LINC01488: variants seen among roughly 807,000 people sequenced by gnomAD.
LINC01488 encodes the protein CCND1-upstream intergenic DNA repair 1.
At chr11:69,493,204 TA>T (rs373614572) in exon 4 of LINC01488, 1 of 152,376 alleles carries the variant, frequency 6.6e-6, no homozygotes, top group African/African-American at 2.4e-5. Flanking sequence ...AAAGGCATTT[TA>T]ACCAACACCA....
intron 1 of LINC01488, chr11:69,481,805 A>G (rs538959630): frequency 6.6e-6 from 1 of 152,386 alleles, no homozygotes; most frequent in South Asian, 2.1e-4. Flanking sequence ...AACAGCTTTG[A>G]GATCGTAAGC....
At chr11:69,485,844 G>C (rs147785409) in intron 1 of LINC01488, 12 of 152,286 alleles carry the variant, frequency 7.9e-5, no homozygotes, top group Non-Finnish European at 1.2e-4. Flanking sequence ...CAGGGCTCCC[G>C]TGGTCCTGCC....
chr11:69,489,866 C>T (rs1565193861), intron 1 of LINC01488, among the ~76,000 whole-genome samples: 3 of 152,190 alleles, frequency 2.0e-5, no homozygotes, highest in Non-Finnish European at 4.4e-5. Flanking sequence ...CATCCCGACA[C>T]TCTCAGCGGG....
intron 1 of LINC01488, among the ~76,000 whole-genome samples, chr11:69,486,482 A>T (rs1445889343): frequency 6.6e-6 from 1 of 152,236 alleles, no homozygotes; most frequent in East Asian, 1.9e-4. Flanking sequence ...TGAAGGCGCA[A>T]AAGCCGTGTC....
At chr11:69,488,553 C>G (rs1334333518) in intron 1 of LINC01488, among the ~76,000 whole-genome samples, 2 of 152,224 alleles carry the variant, frequency 1.3e-5, no homozygotes, top group African/African-American at 4.8e-5. Context: ...TTTGTCAAAC[C>G]CTGGAGAAGG....
intron 1 of LINC01488, among the ~76,000 whole-genome samples, chr11:69,487,485 G>A (rs1292800444): frequency 6.6e-6 from 1 of 152,220 alleles, no homozygotes; most frequent in Admixed American, 6.5e-5. Flanking sequence ...CCTGAGTAAG[G>A]ACTGACGGGG....
At chr11:69,487,285 G>T (rs1023099912) in intron 1 of LINC01488, among the ~76,000 whole-genome samples, 7 of 152,226 alleles carry the variant, frequency 4.6e-5, no homozygotes, top group Non-Finnish European at 8.8e-5. Context: ...AGGAGAGCCA[G>T]CTGGACAGGG....
intron 1 of LINC01488, among the ~76,000 whole-genome samples, chr11:69,489,223 C>T (rs1857175550): frequency 6.6e-6 from 1 of 152,066 alleles, no homozygotes; most frequent in African/African-American, 2.4e-5. Flanking sequence ...GCCCTCTGGT[C>T]TCTCCACCGC....
chr11:69,491,225 A>T (rs531173665), exon 3 of LINC01488: 7 of 152,430 alleles, frequency 4.6e-5, no homozygotes, highest in African/African-American at 1.7e-4. Flanking sequence ...GAGCAGGGAC[A>T]CAGCATGAAG....
At chr11:69,489,663 A>G (rs1040952629) in intron 1 of LINC01488, among the ~76,000 whole-genome samples, 1 of 152,232 alleles carries the variant, frequency 6.6e-6, no homozygotes, top group Non-Finnish European at 1.5e-5. Context: ...AGAGGCGTCC[A>G]TAGGCCGTAG....
rs1462936184 is a variant in LINC01488 at position 69,489,345 on chromosome 11, A to G, written n.123-1150A>G. On this transcript the variant is annotated intron_variant and non_coding_transcript_variant, in intron 1 of 3. Coordinates refer to ENST00000644563, the Ensembl canonical transcript of LINC01488. The stretch of plus-strand genomic sequence containing the variant: ...CTTTCCTTCTGCCTCCCTGGACACC[A>G]GAGGCTGCTGCCGTTGGGCTCTGAG... 9.2e-5 allele frequency among the ~76,000 whole-genome samples: 14 copies of G among 152,346 alleles called. No homozygotes were observed. In the South Asian group the frequency reaches 2.9e-3, roughly 32 times the overall value.
At chr11:69,484,186 G>A (rs751804707) in intron 1 of LINC01488, among the ~76,000 whole-genome samples, 2 of 152,174 alleles carry the variant, frequency 1.3e-5, no homozygotes, top group Non-Finnish European at 2.9e-5. Context: ...GATAGAGAGC[G>A]ACCTCAGAAC....
intron 1 of LINC01488, among the ~76,000 whole-genome samples, chr11:69,482,710 T>C (rs1857060513): frequency 6.6e-6 from 1 of 152,190 alleles, no homozygotes; most frequent in Non-Finnish European, 1.5e-5. Flanking sequence ...TTTATATAGT[T>C]TGTCATACCA....
chr11:69,489,039 G>C (rs540049874), intron 1 of LINC01488, among the ~76,000 whole-genome samples: 9 of 152,320 alleles, frequency 5.9e-5, no homozygotes, highest in Non-Finnish European at 1.0e-4. Context: ...TGTAGATAAG[G>C]CTTCAGAAAG....
chr11:69,489,460 G>T (rs1207294305), intron 1 of LINC01488, among the ~76,000 whole-genome samples: 1 of 152,258 alleles, frequency 6.6e-6, no homozygotes, highest in African/African-American at 2.4e-5. Context: ...GCAGCATGCA[G>T]GGACCCCAAA....
intron 1 of LINC01488, among the ~76,000 whole-genome samples, chr11:69,489,731 A>G (rs180803477): frequency 1.3e-5 from 2 of 152,314 alleles, no homozygotes; most frequent in Non-Finnish European, 2.9e-5. Flanking sequence ...GCACAATCCA[A>G]TGCATCAGGC....
At chr11:69,490,222 A>G (rs559817) in intron 1 of LINC01488, among the ~76,000 whole-genome samples, 118,225 of 152,186 alleles carry the variant, frequency 0.78, 46,309 homozygotes, top group Non-Finnish European at 0.83. Flanking sequence ...ATCCCTAGTC[A>G]GCCCTGTTCC....
chr11:69,489,670 G>A (rs376420418), intron 1 of LINC01488, among the ~76,000 whole-genome samples: 14 of 152,358 alleles, frequency 9.2e-5, no homozygotes, highest in Middle Eastern at 3.4e-3. Context: ...TCCATAGGCC[G>A]TAGGCTCCCC....
chr11:69,483,667 G>C (rs1857070005), intron 1 of LINC01488, among the ~76,000 whole-genome samples: 1 of 152,328 alleles, frequency 6.6e-6, no homozygotes, highest in South Asian at 2.1e-4. Flanking sequence ...CTTTTGCTTA[G>C]CAGAGGCTGC....
Sources: gnomAD v4.1 joint callset for allele counts (sites outside exome capture counted in the v4.1 genomes callset) on GRCh38, gnomAD v4.1.1 for gene constraint, MANE v1.5 for transcripts, NCBI Gene and HGNC (gene_info 2026-07-23, HGNC 2026-07-21) for gene names.